The following ZNF714 variants were observed in gnomAD, a reference collection of about 807,000 sequenced individuals.
The protein encoded by ZNF714 is zinc finger protein 714.
In ZNF714, 32 loss-of-function variants were observed where a neutral mutation model predicts 46.2. The ratio of observed to expected loss-of-function variants is 0.69; its 90% CI spans 0.52 to 0.93. The LOEUF is 0.93. Ranked by LOEUF, ZNF714 falls within the 40% of genes least tolerant of loss-of-function variation. The pLI, the probability that ZNF714 is intolerant of heterozygous loss-of-function variation, is 0.00. For missense variants in ZNF714, 635 were observed against 646.3 expected (o/e 0.98, Z 0.19); for synonymous variants, 199 against 213.1 (o/e 0.93, Z 0.58).
intron 4 of ZNF714, among the ~76,000 whole-genome samples, chr19:21,111,198 A>G (rs149339984): frequency 6.3e-4 from 96 of 151,920 alleles, no homozygotes; most frequent in African/African-American, 1.7e-3. Flanking sequence ...CATTTTTACA[A>G]TATTGATTCT....
At chr19:21,087,241 A>G (rs1464592305) in intron 2 of ZNF714, among the ~76,000 whole-genome samples, 3 of 151,746 alleles carry the variant, frequency 2.0e-5, no homozygotes, top group African/African-American at 7.3e-5. Flanking sequence ...AAAAAAAAAA[A>G]AAAAACATGA....
intron 4 of ZNF714, among the ~76,000 whole-genome samples, chr19:21,107,425 G>C (rs1444603159): frequency 1.3e-5 from 2 of 152,110 alleles, no homozygotes; most frequent in Admixed American, 1.3e-4. Flanking sequence ...GTTTAGTAGA[G>C]ATGGGGTTTC....
At position 21,084,047 on chromosome 19, in the gene ZNF714, T is replaced by G. The variant is rs945110553; in HGVS notation, c.-107T>G. Reference sequence around the variant, plus strand: ...ATCCCTGGGGCAGAGAGGAAGCTTCTAGTGTACTCTTACTTTGAAAAGGTA... The same window carrying G: ...ATCCCTGGGGCAGAGAGGAAGCTTCGAGTGTACTCTTACTTTGAAAAGGTA... On this transcript the variant is annotated 5_prime_UTR_variant, in exon 2 of 5. An upstream open reading frame in the 5' UTR loses its in-frame stop. Transcript: ENST00000456283. 3.9e-5 allele frequency: 47 copies of G among 1,200,632 alleles called. No homozygotes were observed. Among genetic ancestry groups the G allele is most frequent in the Non-Finnish European group, 4.8e-5 (46 of 949,928 alleles). The allele number at this position is 1,200,632 out of a possible 1,614,324, so 74.4% of individuals were successfully genotyped here. A position where few individuals can be genotyped will look rare whatever the true frequency, so the allele number is the denominator to read the frequency against.
At chr19:21,085,387 C>A (rs1011160850) in intron 2 of ZNF714, among the ~76,000 whole-genome samples, 1 of 152,028 alleles carries the variant, frequency 6.6e-6, no homozygotes, top group East Asian at 1.9e-4. Flanking sequence ...TTGTTTACTA[C>A]ATGATTTTTA....
intron 1 of ZNF714, 25 bp downstream of exon 1, chr19:21,082,373 C>T: frequency 6.9e-7 from 1 of 1,455,788 alleles, no homozygotes; most frequent in Non-Finnish European, 9.3e-7. Flanking sequence ...TCCGACATCC[C>T]GAGAGAGGGG....
intron 1 of ZNF714, among the ~76,000 whole-genome samples, chr19:21,082,780 C>A (rs1040030649): frequency 6.6e-6 from 1 of 152,090 alleles, no homozygotes; most frequent in African/African-American, 2.4e-5. Flanking sequence ...AAGCGTGATT[C>A]AAAAATTGTG....
At chr19:21,102,638 T>C (rs1969208341) in intron 4 of ZNF714, among the ~76,000 whole-genome samples, 1 of 152,202 alleles carries the variant, frequency 6.6e-6, no homozygotes. Context: ...GTTCTATTTA[T>C]AATTATACTG....
intron 2 of ZNF714, chr19:21,091,827 TC>T (rs1371759917): frequency 6.6e-6 from 1 of 152,094 alleles, no homozygotes; most frequent in Non-Finnish European, 1.5e-5. Context: ...TTTGTAGGAG[TC>T]CCCAGTTTTT....
At position 21,117,946 on chromosome 19, in the gene ZNF714, G is replaced by A. The variant is rs1273682879; in HGVS notation, c.1282G>A (p.Glu428Lys). The A allele has an allele frequency of 2.5e-6, 4 of 1,613,136 alleles. No individual in the cohort carries two copies. Among genetic ancestry groups the A allele is most frequent in the Non-Finnish European group, 3.4e-6 (4 of 1,179,920 alleles). The change falls in exon 5 of 5, where the codon GAA becomes AAA. Residue 428 changes from glutamate to lysine, a missense_variant. Coordinates refer to ENST00000456283, the MANE Select transcript of ZNF714 (RefSeq NM_182515.4). ...TACTGGAGAGAAACTCTACAAATGT[G>A]AAGAATGTGGCAAAGCTTTTAACCG... ...IHTGEKLYKC[E>K]ECGKAFNRSS...
chr19:21,103,378 C>T (rs1419504578), intron 4 of ZNF714, among the ~76,000 whole-genome samples: 1 of 151,710 alleles, frequency 6.6e-6, no homozygotes, highest in African/African-American at 2.4e-5. Flanking sequence ...CATGGTGAAA[C>T]CCTGTCTCTA....
intron 2 of ZNF714, among the ~76,000 whole-genome samples, chr19:21,087,611 G>C (rs965235353): frequency 2.6e-5 from 4 of 152,076 alleles, no homozygotes; most frequent in Non-Finnish European, 4.4e-5. Flanking sequence ...TGTTGTTTAA[G>C]AGTAGATCAG....
At chr19:21,110,445 T>C (rs1969426287) in intron 4 of ZNF714, among the ~76,000 whole-genome samples, 1 of 152,246 alleles carries the variant, frequency 6.6e-6, no homozygotes, top group Non-Finnish European at 1.5e-5. Context: ...TGAGGTTGTT[T>C]GTTTTATTCT....
intron 2 of ZNF714, among the ~76,000 whole-genome samples, chr19:21,092,288 C>T (rs1362979896): frequency 1.3e-5 from 2 of 152,196 alleles, no homozygotes; most frequent in Non-Finnish European, 1.5e-5. Flanking sequence ...ACACCACTCC[C>T]AGGACTAGGC....
chr19:21,109,184 A>C (rs981141536), intron 4 of ZNF714, among the ~76,000 whole-genome samples: 4 of 152,040 alleles, frequency 2.6e-5, no homozygotes, highest in African/African-American at 9.7e-5. Context: ...ATGCTTTTTA[A>C]CTTAAGCCAC....
intron 2 of ZNF714, among the ~76,000 whole-genome samples, chr19:21,084,890 G>A (rs374754092): frequency 1.7e-4 from 26 of 151,946 alleles, no homozygotes; most frequent in African/African-American, 6.3e-4. Flanking sequence ...AAAGTGCTGG[G>A]ATAACAGGTG....
At chr19:21,086,542 G>A (rs916397547) in intron 2 of ZNF714, among the ~76,000 whole-genome samples, 5 of 152,168 alleles carry the variant, frequency 3.3e-5, no homozygotes, top group Non-Finnish European at 7.3e-5. Context: ...ACACTGGTAA[G>A]AGTGTAGCAG....
At position 21,098,963 on chromosome 19, in the gene ZNF714, A is replaced by T; in HGVS notation, c.142+53A>T. 81 of 1,146,910 alleles carry T rather than the reference A, an allele frequency of 7.1e-5. No individual in the cohort carries two copies. The African/African-American group carries it at 8.7e-4, about 12-fold the overall frequency. 71.0% of individuals were successfully genotyped at this position (1,146,910 alleles called of 1,614,324 possible). On this transcript the variant is annotated intron_variant, in intron 4 of 4. Transcript: ENST00000456283. ...CACAGATGAGAGGTACAAAGGTAAA[A>T]AAAAAAAAAAAGCAAGCCGGCCCTT...
chr19:21,113,553 C>T (rs1344799770), intron 4 of ZNF714, among the ~76,000 whole-genome samples: 2 of 149,718 alleles, frequency 1.3e-5, no homozygotes, highest in African/African-American at 4.9e-5. Context: ...GTCACCCAGG[C>T]TGGAGTGCAA....
At chr19:21,092,563 C>G (rs1249149977) in intron 2 of ZNF714, among the ~76,000 whole-genome samples, 1 of 152,204 alleles carries the variant, frequency 6.6e-6, no homozygotes, top group Non-Finnish European at 1.5e-5. Flanking sequence ...TGCATTCTTC[C>G]CCACGCATGG....
Sources: gnomAD v4.1 joint callset for allele counts (sites outside exome capture counted in the v4.1 genomes callset) on GRCh38, gnomAD v4.1.1 for gene constraint, MANE v1.5 for transcripts, NCBI Gene and HGNC (gene_info 2026-07-23, HGNC 2026-07-21) for gene names.